The following UBN2 variants were observed in gnomAD, a reference collection of about 807,000 sequenced individuals.
The protein encoded by UBN2 is ubinuclein 2, also known as ubinuclein-2.
In UBN2, 35 loss-of-function variants were observed where a neutral mutation model predicts 120.2. That is an observed-to-expected ratio of 0.29 (90% CI 0.22 to 0.39). The LOEUF (loss-of-function observed/expected upper bound fraction) is 0.39, where lower values mean the gene tolerates loss of function less well. UBN2 is among the 10% of genes least tolerant of loss of function. The pLI, the probability that UBN2 is intolerant of heterozygous loss-of-function variation, is 1.00. For missense variants in UBN2, 1,693 were observed against 1,663.2 expected (o/e 1.02, Z -0.31); for synonymous variants, 661 against 648.7 (o/e 1.02, Z -0.29).
At chr7:139,282,224 T>C (rs1321280354) in intron 14 of UBN2, among the ~76,000 whole-genome samples, 169 bp downstream of exon 14, 1 of 152,192 alleles carries the variant, frequency 6.6e-6, no homozygotes, top group Admixed American at 6.5e-5. Context: ...TAAAAATAAA[T>C]AGTTGCTTTT....
chr7:139,282,356 TA>T (rs1325454254), intron 14 of UBN2, among the ~76,000 whole-genome samples: 7 of 152,222 alleles, frequency 4.6e-5, no homozygotes, highest in African/African-American at 1.7e-4. Context: ...TTGTAATTCT[TA>T]ATACCCTTGT....
At chr7:139,312,056 C>G (rs538128499), downstream of UBN2, among the ~76,000 whole-genome samples, 9 of 152,288 alleles carry the variant, frequency 5.9e-5, no homozygotes, top group Non-Finnish European at 1.3e-4. Flanking sequence ...ACTTTGTACT[C>G]AAATGCAAAG....
chr7:139,286,056 T>C (rs973001547), intron 15 of UBN2, among the ~76,000 whole-genome samples: 4 of 152,242 alleles, frequency 2.6e-5, no homozygotes, highest in African/African-American at 9.6e-5. Context: ...GCTTCCTGAA[T>C]AGCTGGGATT....
chr7:139,317,481 A>T, the UBN2 span, among the ~76,000 whole-genome samples: 36,305 of 151,628 alleles, frequency 0.24, 5,065 homozygotes, highest in African/African-American at 0.36. Context: ...ACGTTCTCTT[A>T]CTTACATCCA....
At chr7:139,267,924 A>G (rs1797147733) in intron 7 of UBN2, among the ~76,000 whole-genome samples, 1 of 152,194 alleles carries the variant, frequency 6.6e-6, no homozygotes, top group African/African-American at 2.4e-5. Context: ...GACTCAGTGA[A>G]CAGTGCAGCC....
chr7:139,327,297 T>G, the UBN2 span, among the ~76,000 whole-genome samples: 1 of 152,228 alleles, frequency 6.6e-6, no homozygotes, highest in Non-Finnish European at 1.5e-5. Flanking sequence ...CCTCCCAAAG[T>G]GCTGGGACTA....
chr7:139,236,489 A>C (rs1217203168), intron 1 of UBN2, among the ~76,000 whole-genome samples: 1 of 152,212 alleles, frequency 6.6e-6, no homozygotes, highest in Non-Finnish European at 1.5e-5. Context: ...AGCTCCTTTT[A>C]GAAGCATTTC....
rs1798249300 is a variant in UBN2, at chr7:139,301,203, A to G, written c.*3367A>G. The stretch of plus-strand genomic sequence containing the variant: ...AAGAACCGGGCACATATGTGTTGGA[A>G]TACTGTGGGTTTGACACCTGGTTGA... On this transcript the variant is annotated 3_prime_UTR_variant, in exon 18 of 18. Transcript: ENST00000473989. 3 of 152,182 alleles carry G rather than the reference A, an allele frequency of 2.0e-5. No homozygotes were observed. 9.4% of individuals were successfully genotyped at this position (152,182 alleles called of 1,614,324 possible). A position where few individuals can be genotyped will look rare whatever the true frequency, so the allele number is the denominator to read the frequency against.
chr7:139,231,947 C>G lies in UBN2; in HGVS notation c.463C>G (p.Gln155Glu), dbSNP rs775485720. ...SYPELLLCGEQRKKLIHTEDP... is the reference protein window; with the variant it reads ...SYPELLLCGEERKKLIHTEDP... ...CCCGGAGCTGCTGCTGTGCGGAGAA[C>G]AACGGGTACAGAAGATTCTTCCCTC... Residue 155 changes from glutamine to glutamate, a missense_variant, in exon 1 of 18, where the codon CAA (glutamine) becomes GAA (glutamate). This residue lies in a region of UBN2 where 663 missense variants were observed against 591.2 expected (regional missense o/e 1.12). Coordinates refer to ENST00000473989, the MANE Select transcript of UBN2 (RefSeq NM_173569.4). 1.3e-6 allele frequency: 2 copies of G among 1,580,382 alleles called. No homozygotes were observed. The highest frequency in any genetic ancestry group is 1.7e-6 in the Non-Finnish European group (2 of 1,170,110).
chr7:139,308,011 G>T lies in UBN2; in HGVS notation c.*10175G>T, dbSNP rs574151145. The T allele has an allele frequency of 3.3e-5, 5 of 149,568 alleles. No individual in the cohort carries two copies. In the South Asian group the frequency reaches 1.1e-3, roughly 31 times the overall value. 9.3% of individuals were successfully genotyped at this position (149,568 alleles called of 1,614,324 possible). A position where few individuals can be genotyped will look rare whatever the true frequency, so the allele number is the denominator to read the frequency against. ...ACCCCCATGAATATACTCCTTCAGT[G>T]CAGGGATTTTTGTGTTTTTTTTTTT... On this transcript the variant is annotated 3_prime_UTR_variant, in exon 18 of 18. Transcript: ENST00000473989.
At chr7:139,254,266 C>T (rs540480324) in intron 3 of UBN2, among the ~76,000 whole-genome samples, 10 of 152,224 alleles carry the variant, frequency 6.6e-5, no homozygotes, top group African/African-American at 2.4e-4. Flanking sequence ...GTACTCCAGC[C>T]TGGGCAACAG....
the UBN2 span, among the ~76,000 whole-genome samples, chr7:139,324,044 A>T: frequency 1.3e-5 from 2 of 152,090 alleles, no homozygotes; most frequent in Non-Finnish European, 2.9e-5. Context: ...GTGTGGTAGC[A>T]GACTTCCCCT....
intron 11 of UBN2, among the ~76,000 whole-genome samples, chr7:139,274,637 C>T (rs1050123968): frequency 2.0e-5 from 3 of 151,992 alleles, no homozygotes; most frequent in African/African-American, 7.2e-5. Flanking sequence ...TGGCGCATGC[C>T]TGTTATCCCA....
chr7:139,283,025 A>G lies in UBN2; in HGVS notation c.2120A>G (p.Glu707Gly). The change falls in exon 15 of 18, where the codon GAG becomes GGG. Residue 707 changes from glutamate to glycine, a missense_variant and splice_region_variant. By Grantham distance (98) the Glu-to-Gly change is moderately conservative. This residue lies in a region of UBN2 where 837 missense variants were observed against 817.6 expected (regional missense o/e 1.02). Coordinates refer to ENST00000473989, the MANE Select transcript of UBN2 (RefSeq NM_173569.4). ...TTTCCATATGATGCTTTACATTAGGAGTGTAGTCCAAAAAAGGACCAGAAA... is the reference window on the plus strand; with the variant it reads ...TTTCCATATGATGCTTTACATTAGGGGTGTAGTCCAAAAAAGGACCAGAAA... ...PLHSFPTMLKECSPKKDQKTP... is the reference protein window; with the variant it reads ...PLHSFPTMLKGCSPKKDQKTP... 1.3e-6 allele frequency: 2 copies of G among 1,579,190 alleles called. No homozygotes were observed. The highest frequency in any genetic ancestry group is 1.7e-6 in the Non-Finnish European group (2 of 1,165,714).
chr7:139,276,006 T>C lies in UBN2; in HGVS notation c.1974-91T>C. 4 of 959,942 alleles carry C rather than the reference T, an allele frequency of 4.2e-6. No individual in the cohort carries two copies. The South Asian group carries it at 5.9e-5, about 14-fold the overall frequency. 59.5% of individuals were successfully genotyped at this position (959,942 alleles called of 1,614,324 possible). A position where few individuals can be genotyped will look rare whatever the true frequency, so the allele number is the denominator to read the frequency against. On this transcript the variant is annotated intron_variant, in intron 11 of 17. Transcript: ENST00000473989. The stretch of plus-strand genomic sequence containing the variant: ...ACTTGGTAAATAAGCAGTAATAGTC[T>C]ACTGAAAATTAAATTACTTTAAAAA...
At chr7:139,291,061 C>A (rs1797941180) in intron 15 of UBN2, among the ~76,000 whole-genome samples, 1 of 151,982 alleles carries the variant, frequency 6.6e-6, no homozygotes, top group African/African-American at 2.4e-5. Context: ...TTCCATTTTC[C>A]TGATCAAATT....
chr7:139,252,664 T>C (rs1796652730), intron 3 of UBN2, among the ~76,000 whole-genome samples: 1 of 152,212 alleles, frequency 6.6e-6, no homozygotes, highest in Admixed American at 6.5e-5. Context: ...TATGCTCTGC[T>C]CCTTTCCAGT....
chr7:139,308,714 G>A (rs1027793482), downstream of UBN2, among the ~76,000 whole-genome samples: 1 of 152,174 alleles, frequency 6.6e-6, no homozygotes, highest in African/African-American at 2.4e-5. Context: ...ATTTGATGGT[G>A]CTACTACGGT....
intron 6 of UBN2, among the ~76,000 whole-genome samples, chr7:139,264,969 C>T (rs1430361365): frequency 2.6e-5 from 4 of 152,114 alleles, no homozygotes; most frequent in African/African-American, 9.7e-5. Flanking sequence ...ATGATCAAAT[C>T]ATGGTAATTG....
Sources: gnomAD v4.1 joint callset for allele counts (sites outside exome capture counted in the v4.1 genomes callset) on GRCh38, gnomAD v4.1.1 for gene constraint, gnomAD v4.1.1 regional missense constraint, MANE v1.5 for transcripts, NCBI Gene and HGNC (gene_info 2026-07-23, HGNC 2026-07-21) for gene names.